Variants in GPC6 observed in about 807,000 individuals in gnomAD.
GPC6 encodes glypican 6.
GPC6 carries 14 observed loss-of-function variants against 55.2 expected under a neutral mutation model. That is an observed-to-expected ratio of 0.25 (90% CI 0.17 to 0.40). The LOEUF is 0.40. Ranked by LOEUF, GPC6 falls within the 10% of genes least tolerant of loss-of-function variation. GPC6 has a pLI of 1.00. For synonymous variants in GPC6, 278 were observed against 259.6 expected (o/e 1.07, Z -0.68); for missense variants, 641 against 708.5 (o/e 0.90, Z 1.08).
At chr13:94,197,572 T>C (rs1889618494) in intron 4 of GPC6, among the ~76,000 whole-genome samples, 2 of 152,164 alleles carry the variant, frequency 1.3e-5, no homozygotes, top group African/African-American at 2.4e-5. Context: ...CTTATAACAG[T>C]GCCAGCTCTA....
intron 4 of GPC6, among the ~76,000 whole-genome samples, chr13:94,150,843 G>A (rs1269128227): frequency 1.2e-5 from 1 of 85,974 alleles, no homozygotes; most frequent in Non-Finnish European, 2.4e-5. Context: ...TTTATTGAAT[G>A]AGTAAATAAA....
Position 93,346,823 on chromosome 13 carries a change from T to G in GPC6, c.160+119207T>G, listed in dbSNP as rs370871938. 1.1e-4 allele frequency among the ~76,000 whole-genome samples: 17 copies of G among 152,312 alleles called. No individual in the cohort carries two copies. The East Asian group carries it at 1.2e-3, about 10-fold the overall frequency. On this transcript the variant is annotated intron_variant, in intron 1 of 8. Transcript: ENST00000377047. Reference sequence around the variant, plus strand: ...TTCAGGCATTGCTCTGTTGAAATTTTTGGATAGTGTATAGCATTATGTAGA... The same window carrying G: ...TTCAGGCATTGCTCTGTTGAAATTTGTGGATAGTGTATAGCATTATGTAGA...
intron 3 of GPC6, among the ~76,000 whole-genome samples, chr13:93,864,395 A>G (rs890069834): frequency 8.6e-5 from 13 of 151,676 alleles, no homozygotes; most frequent in African/African-American, 1.2e-4. Flanking sequence ...TCTCATGAGT[A>G]TGTGACACAT....
At chr13:94,392,638 AGGCTGGTCTC>A (rs2139220414) in intron 7 of GPC6, among the ~76,000 whole-genome samples, 1 of 150,906 alleles carries the variant, frequency 6.6e-6, no homozygotes, top group African/African-American at 2.4e-5. Flanking sequence ...CATGTTGGTC[AGGCTGGTCTC>A]GAACTCTCGA....
Position 93,921,563 on chromosome 13 carries a change from G to A in GPC6, c.711+91018G>A, listed in dbSNP as rs187230989. Among the ~76,000 whole-genome samples the A allele has an allele frequency of 2.0e-4, 30 of 152,024 alleles. No individual in the cohort carries two copies. The East Asian group carries it at 5.1e-3, about 26-fold the overall frequency. On this transcript the variant is annotated intron_variant, in intron 3 of 8. Coordinates refer to ENST00000377047, the MANE Select transcript of GPC6 (RefSeq NM_005708.5). The stretch of plus-strand genomic sequence containing the variant: ...CCTGGATTTCAGCCATCCTGTGGCC[G>A]ATCTCTCTGAACTTCCCCAGCCGAA...
intron 1 of GPC6, among the ~76,000 whole-genome samples, chr13:93,258,957 GAAC>G (rs939447377): frequency 5.3e-5 from 8 of 151,768 alleles, no homozygotes; most frequent in African/African-American, 1.7e-4. Context: ...CTCGAAAAAT[GAAC>G]AATAACAAAA....
At chr13:94,048,555 A>C (rs542238247) in intron 4 of GPC6, among the ~76,000 whole-genome samples, 1 of 152,156 alleles carries the variant, frequency 6.6e-6, no homozygotes, top group African/African-American at 2.4e-5. Flanking sequence ...AATTTATTGA[A>C]GCTTCATTAG....
chr13:94,275,865 A>T (rs1242043848), intron 4 of GPC6, among the ~76,000 whole-genome samples: 1 of 152,150 alleles, frequency 6.6e-6, no homozygotes, highest in Non-Finnish European at 1.5e-5. Flanking sequence ...TTCAGGGTAG[A>T]CCCACACTGA....
At chr13:93,354,354 T>TTTGTTTTTG (rs1555293310) in intron 1 of GPC6, among the ~76,000 whole-genome samples, 13 of 138,776 alleles carry the variant, frequency 9.4e-5, no homozygotes, top group East Asian at 6.9e-4. Context: ...GGTAGATTTT[T>TTTGTTTTTG]TTTTTTTTTT....
intron 2 of GPC6, among the ~76,000 whole-genome samples, chr13:93,727,669 G>A (rs1244534950): frequency 6.6e-6 from 1 of 152,152 alleles, no homozygotes; most frequent in African/African-American, 2.4e-5. Flanking sequence ...GCATAGGAAA[G>A]TGCATAGCTG....
At chr13:93,478,077 G>A (rs185388202) in intron 1 of GPC6, among the ~76,000 whole-genome samples, 335 of 152,210 alleles carry the variant, frequency 2.2e-3, no homozygotes, top group Non-Finnish European at 4.0e-3. Context: ...TTTACTATGA[G>A]ATGGCTATTG....
At chr13:93,518,720 C>T (rs1881299972) in intron 1 of GPC6, among the ~76,000 whole-genome samples, 1 of 151,880 alleles carries the variant, frequency 6.6e-6, no homozygotes, top group South Asian at 2.1e-4. Context: ...ATGGTAAATG[C>T]AATAGGGCCT....
At chr13:93,948,061 C>T (rs887906773) in intron 3 of GPC6, among the ~76,000 whole-genome samples, 3 of 152,028 alleles carry the variant, frequency 2.0e-5, no homozygotes, top group African/African-American at 4.8e-5. Context: ...GAATATATTT[C>T]TCATAAATTT....
intron 6 of GPC6, among the ~76,000 whole-genome samples, chr13:94,378,201 A>AAATAAT (rs530949186): frequency 2.0e-5 from 3 of 151,612 alleles, no homozygotes; most frequent in Non-Finnish European, 2.9e-5. Context: ...TATAATAATA[A>AAATAAT]AATAATAATA....
At chr13:93,808,955 A>G (rs1051373046) in intron 2 of GPC6, among the ~76,000 whole-genome samples, 1 of 152,222 alleles carries the variant, frequency 6.6e-6, no homozygotes, top group African/African-American at 2.4e-5. Context: ...GCTCCATCAG[A>G]GAAGTGCCTG....
chr13:94,180,829 T>G (rs886960901), intron 4 of GPC6, among the ~76,000 whole-genome samples: 6 of 152,056 alleles, frequency 3.9e-5, no homozygotes, highest in Non-Finnish European at 8.8e-5. Context: ...TCATCTAAAT[T>G]CAAGGTAACA....
At chr13:94,335,791 T>G (rs1299771848) in intron 6 of GPC6, among the ~76,000 whole-genome samples, 1 of 152,082 alleles carries the variant, frequency 6.6e-6, no homozygotes, top group African/African-American at 2.4e-5. Flanking sequence ...AGAGTTATTA[T>G]CTGAACTTTA....
chr13:94,211,953 A>G (rs1890091776), intron 4 of GPC6, among the ~76,000 whole-genome samples: 1 of 152,190 alleles, frequency 6.6e-6, no homozygotes, highest in Admixed American at 6.5e-5. Context: ...TTCTTGGTTA[A>G]GGGGGCTAAT....
At chr13:94,076,960 G>GTTTTTTTTTTTTTTTTTTTTT (rs56870429) in intron 4 of GPC6, among the ~76,000 whole-genome samples, 2 of 126,106 alleles carry the variant, frequency 1.6e-5, no homozygotes, top group African/African-American at 2.9e-5. Context: ...TGGTGCTTCT[G>GTTTTTTTTTTTTTTTTTTTTT]TTTTTTTTTT....
Sources: gnomAD v4.1 joint callset for allele counts (sites outside exome capture counted in the v4.1 genomes callset) on GRCh38, gnomAD v4.1.1 for gene constraint, MANE v1.5 for transcripts, NCBI Gene and HGNC (gene_info 2026-07-23, HGNC 2026-07-21) for gene names.